PIP5K1B: variants seen among roughly 807,000 people sequenced by gnomAD.
The protein encoded by PIP5K1B is phosphatidylinositol-4-phosphate 5-kinase type 1 beta.
In PIP5K1B, 42 loss-of-function variants were observed where a neutral mutation model predicts 67.0. The ratio of observed to expected loss-of-function variants is 0.63; its 90% CI spans 0.49 to 0.81. The LOEUF (loss-of-function observed/expected upper bound fraction) is 0.81, where lower values mean the gene tolerates loss of function less well. PIP5K1B is among the 30% of genes least tolerant of loss of function. The pLI is 0.00. For missense variants in PIP5K1B, 459 were observed against 646.3 expected, an observed-to-expected ratio of 0.71 and a Z score of 3.14; for synonymous variants, 214 against 231.4, an observed-to-expected ratio of 0.92 and a Z score of 0.68.
chr9:68,976,732 C>T (rs1829647301), intron 14 of PIP5K1B, among the ~76,000 whole-genome samples: 2 of 152,200 alleles, frequency 1.3e-5, no homozygotes, highest in Admixed American at 6.5e-5. Flanking sequence ...ACCTAGATCC[C>T]TCTCATGAGC....
intron 2 of PIP5K1B, among the ~76,000 whole-genome samples, chr9:68,818,072 A>G (rs1833545637): frequency 6.6e-6 from 1 of 152,206 alleles, no homozygotes; most frequent in African/African-American, 2.4e-5. Context: ...CTCTGTGAAG[A>G]TCCATAGGAG....
At chr9:68,846,171 G>A (rs1377112318) in intron 4 of PIP5K1B, among the ~76,000 whole-genome samples, 2 of 152,292 alleles carry the variant, frequency 1.3e-5, no homozygotes, top group South Asian at 2.1e-4. Context: ...CTCAAAACCA[G>A]TCTTTTTCTA....
intron 15 of PIP5K1B, among the ~76,000 whole-genome samples, chr9:69,006,886 T>A (rs367865297): frequency 6.6e-6 from 1 of 152,236 alleles, no homozygotes; most frequent in African/African-American, 2.4e-5. Flanking sequence ...TTGTTTTGTA[T>A]GTCACTGGTT....
chr9:68,816,679 G>A (rs1010303449), intron 2 of PIP5K1B, among the ~76,000 whole-genome samples: 2 of 152,172 alleles, frequency 1.3e-5, no homozygotes, highest in African/African-American at 4.8e-5. Context: ...TGTCTTTCTG[G>A]TAAGGAAAAT....
chr9:68,821,445 T>G (rs545406190), intron 3 of PIP5K1B, among the ~76,000 whole-genome samples: 1 of 152,224 alleles, frequency 6.6e-6, no homozygotes. Flanking sequence ...CTCGAAGAAA[T>G]ACAAAGAACT....
intron 2 of PIP5K1B, chr9:68,782,829 G>A (rs1317061175): frequency 6.0e-6 from 1 of 167,084 alleles, no homozygotes; most frequent in East Asian, 1.9e-4. Flanking sequence ...CACAGGAATT[G>A]TTAATCTTCT....
At chr9:68,780,573 A>C (rs767358169) in intron 2 of PIP5K1B, 3 of 1,614,172 alleles carry the variant, frequency 1.9e-6, no homozygotes, top group Non-Finnish European at 2.5e-6. Context: ...CCCCAAGCGC[A>C]TCGATTTCAT....
intron 2 of PIP5K1B, among the ~76,000 whole-genome samples, chr9:68,814,463 A>G (rs1047454194): frequency 3.3e-5 from 5 of 152,202 alleles, no homozygotes; most frequent in African/African-American, 1.2e-4. Flanking sequence ...AAAAAAATGA[A>G]GTAGACATAC....
chr9:68,940,647 C>T lies in PIP5K1B; in HGVS notation c.1359C>T (p.Ala453=). The T allele has an allele frequency of 6.2e-7, 1 of 1,613,304 alleles. No individual in the cohort carries two copies. Among genetic ancestry groups the T allele is most frequent in the Non-Finnish European group, 8.5e-7 (1 of 1,179,554 alleles). ...TGTGTGTGTTGCTTTCGTTCCTAGC[C>T]CTGGGATCCCGACACAGGCCAGACC... ...GQSFSSLDEE[A]LGSRHRPDLV... Residue 453 remains alanine (A), a splice_region_variant and synonymous_variant, in exon 14 of 16, where the codon GCC becomes GCT. Transcript: ENST00000265382.
chr9:69,008,621 G>A lies in PIP5K1B; in HGVS notation c.*172G>A. The A allele has an allele frequency of 1.5e-6, 1 of 671,074 alleles. No homozygotes were observed. Among genetic ancestry groups the A allele is most frequent in the Non-Finnish European group, 2.8e-6 (1 of 361,434 alleles). 41.6% of individuals were successfully genotyped at this position (671,074 alleles called of 1,614,324 possible). A position where few individuals can be genotyped will look rare whatever the true frequency, so the allele number is the denominator to read the frequency against. On this transcript the variant is annotated 3_prime_UTR_variant, in exon 16 of 16. Transcript: ENST00000265382. ...GATGTCAACTTCAGGCTGATCAGCA[G>A]ATGGGATGTGAAAAATACTACCCTA...
At chr9:68,799,201 A>G (rs1832457640) in intron 2 of PIP5K1B, among the ~76,000 whole-genome samples, 1 of 152,218 alleles carries the variant, frequency 6.6e-6, no homozygotes, top group African/African-American at 2.4e-5. Context: ...CCTTCCATCA[A>G]TATGTTGGCT....
chr9:68,957,693 C>G (rs1019946119), intron 14 of PIP5K1B, among the ~76,000 whole-genome samples: 1 of 152,022 alleles, frequency 6.6e-6, no homozygotes, highest in Non-Finnish European at 1.5e-5. Context: ...TCACCATGTC[C>G]CTGTGTCTTC....
At chr9:68,887,702 GCATGAAATGATGAAAC>G (rs1419529709) in intron 6 of PIP5K1B, among the ~76,000 whole-genome samples, 1 of 152,196 alleles carries the variant, frequency 6.6e-6, no homozygotes, top group Non-Finnish European at 1.5e-5. Flanking sequence ...AACAATCCAG[GCATGAAATGATGAAAC>G]CTTTGAACTA....
At chr9:68,933,114 G>A (rs1399268070) in intron 12 of PIP5K1B, among the ~76,000 whole-genome samples, 6 of 146,794 alleles carry the variant, frequency 4.1e-5, no homozygotes, top group African/African-American at 1.5e-4. Flanking sequence ...AAAAAAAAAA[G>A]AAGAAGAAGC....
chr9:69,000,277 C>T (rs1027819019), intron 15 of PIP5K1B, among the ~76,000 whole-genome samples: 1 of 152,088 alleles, frequency 6.6e-6, no homozygotes, highest in African/African-American at 2.4e-5. Context: ...CAGGTCCTCG[C>T]CTACAGCCAT....
chr9:68,870,421 T>C (rs1362213885), intron 5 of PIP5K1B, among the ~76,000 whole-genome samples: 1 of 152,176 alleles, frequency 6.6e-6, no homozygotes, highest in Non-Finnish European at 1.5e-5. Flanking sequence ...AAGGAATGTG[T>C]CTTTTGTTTT....
Position 68,998,203 on chromosome 9 carries a change from T to C in PIP5K1B, c.1620+6946T>C, listed in dbSNP as rs141990996. On this transcript the variant is annotated intron_variant, in intron 15 of 15. Coordinates refer to ENST00000265382, the MANE Select transcript of PIP5K1B (RefSeq NM_003558.4). ...CTCCTGCCTCAGCCTCCCAAGTAGC[T>C]GGGACTACAGACTCACACCACCATG... is the stretch of plus-strand genomic sequence containing the variant. 9.2e-5 allele frequency among the ~76,000 whole-genome samples: 14 copies of C among 152,196 alleles called. 1 individual carries two copies. The East Asian group carries it at 2.3e-3, about 25-fold the overall frequency.
chr9:68,988,988 G>T (rs976752311), intron 14 of PIP5K1B, among the ~76,000 whole-genome samples: 1 of 149,880 alleles, frequency 6.7e-6, no homozygotes, highest in Non-Finnish European at 1.5e-5. Flanking sequence ...CCAGCTGCTC[G>T]AGAGGCTGAG....
chr9:68,745,029 G>C (rs1829218999), intron 2 of PIP5K1B, among the ~76,000 whole-genome samples: 1 of 152,186 alleles, frequency 6.6e-6, no homozygotes, highest in Non-Finnish European at 1.5e-5. Flanking sequence ...CTGGGAGAGG[G>C]CAGGCTGCTC....
Sources: gnomAD v4.1 joint callset for allele counts (sites outside exome capture counted in the v4.1 genomes callset) on GRCh38, gnomAD v4.1.1 for gene constraint, MANE v1.5 for transcripts, NCBI Gene and HGNC (gene_info 2026-07-23, HGNC 2026-07-21) for gene names.